Variants in ODAD2 observed in about 807,000 individuals in gnomAD.
The protein encoded by ODAD2 is outer dynein arm docking complex subunit 2, also known as outer dynein arm-docking complex subunit 2.
In ODAD2, 89 loss-of-function variants were observed where a neutral mutation model predicts 106.8. The observed-to-expected ratio is 0.83, with a 90% CI of 0.70 to 0.99. The LOEUF (loss-of-function observed/expected upper bound fraction) is 0.99, where lower values mean the gene tolerates loss of function less well. Among genes scored for constraint, ODAD2 ranks in the 50% least tolerant of loss-of-function variants. ODAD2 has a pLI of 0.00. For missense variants in ODAD2, 1,168 were observed against 1,238.5 expected, an observed-to-expected ratio of 0.94 and a Z score of 0.85; for synonymous variants, 404 against 436.2, an observed-to-expected ratio of 0.93 and a Z score of 0.92.
chr10:27,933,251 A>G (rs777769533), intron 16 of ODAD2, among the ~76,000 whole-genome samples: 20 of 152,158 alleles, frequency 1.3e-4, no homozygotes, highest in Non-Finnish European at 2.5e-4. Flanking sequence ...CCCTGTCTCT[A>G]AAAAACAAAC....
intron 16 of ODAD2, among the ~76,000 whole-genome samples, chr10:27,911,602 C>G (rs1476702843): frequency 1.3e-5 from 2 of 152,162 alleles, no homozygotes; most frequent in African/African-American, 4.8e-5. Context: ...AGAGCTTCTC[C>G]CCGTTATGCA....
At chr10:27,940,424 G>C in intron 13 of ODAD2, 139 bp downstream of exon 13, 1 of 954,096 alleles carries the variant, frequency 1.0e-6, no homozygotes, top group South Asian at 1.7e-5. Context: ...CGTCCTATCA[G>C]TTGGATCTTC....
At chr10:27,822,946 A>T (rs1836727135) in intron 19 of ODAD2, among the ~76,000 whole-genome samples, 1 of 152,214 alleles carries the variant, frequency 6.6e-6, no homozygotes, top group African/African-American at 2.4e-5. Flanking sequence ...ATGCCCAAAC[A>T]GACAGACAGG....
intron 19 of ODAD2, among the ~76,000 whole-genome samples, chr10:27,820,648 A>G (rs1836528906): frequency 6.6e-6 from 1 of 152,004 alleles, no homozygotes; most frequent in African/African-American, 2.4e-5. Flanking sequence ...GTGTACCAAG[A>G]GGATTACTCT....
chr10:27,923,802 A>T (rs1316133745), intron 16 of ODAD2, among the ~76,000 whole-genome samples: 4 of 151,846 alleles, frequency 2.6e-5, no homozygotes, highest in African/African-American at 9.7e-5. Context: ...TTTTGAAATT[A>T]GCTGGATGTG....
At chr10:27,863,052 A>G (rs558447844) in intron 17 of ODAD2, among the ~76,000 whole-genome samples, 1 of 152,304 alleles carries the variant, frequency 6.6e-6, no homozygotes, top group East Asian at 1.9e-4. Context: ...TCTGGCTACA[A>G]CATTTTCATC....
intron 17 of ODAD2, among the ~76,000 whole-genome samples, chr10:27,880,965 T>C (rs1177242507): frequency 6.6e-6 from 1 of 152,186 alleles, no homozygotes; most frequent in Non-Finnish European, 1.5e-5. Context: ...AACTACCAGC[T>C]TAAGAGTAAG....
At chr10:27,927,116 A>G (rs776999613) in intron 16 of ODAD2, among the ~76,000 whole-genome samples, 1 of 152,170 alleles carries the variant, frequency 6.6e-6, no homozygotes, top group African/African-American at 2.4e-5. Context: ...GAGTTTTACA[A>G]AATCATTGGT....
chr10:27,950,572 A>G (rs1455680962), intron 10 of ODAD2, among the ~76,000 whole-genome samples: 1 of 152,176 alleles, frequency 6.6e-6, no homozygotes, highest in African/African-American at 2.4e-5. Flanking sequence ...GATGCTACAT[A>G]CATTCTTCTA....
chr10:27,965,576 G>C (rs1253519480), intron 9 of ODAD2, among the ~76,000 whole-genome samples: 1 of 152,166 alleles, frequency 6.6e-6, no homozygotes. Context: ...ATTTAGAGTA[G>C]TGTCCATGGG....
At chr10:27,933,663 A>G (rs1203416491) in intron 16 of ODAD2, among the ~76,000 whole-genome samples, 1 of 152,172 alleles carries the variant, frequency 6.6e-6, no homozygotes, top group African/African-American at 2.4e-5. Context: ...ATAAAGAGGA[A>G]CCAAAGATCA....
At position 27,860,852 on chromosome 10, in the gene ODAD2, C is replaced by A; in HGVS notation, c.2800-6G>T. ...TGTCTCAATTTATTGTTATTCTGTG[C>A]AAGGGAAAATGAAATGGGATCTGTG... is the stretch of plus-strand genomic sequence containing the variant. On this transcript the variant is annotated splice_polypyrimidine_tract_variant and splice_region_variant and intron_variant, in intron 18 of 19. Transcript: ENST00000305242. 6.2e-7 allele frequency: 1 copy of A among 1,612,272 alleles called. No individual in the cohort carries two copies. Among genetic ancestry groups the A allele is most frequent in the Admixed American group, 1.7e-5 (1 of 59,998 alleles).
chr10:27,846,008 G>A (rs548991452), intron 19 of ODAD2, among the ~76,000 whole-genome samples: 65 of 152,286 alleles, frequency 4.3e-4, no homozygotes, highest in African/African-American at 1.5e-3. Flanking sequence ...ACATTAGACA[G>A]ACCAATGAGA....
chr10:27,986,324 G>C (rs1278310366), intron 3 of ODAD2, among the ~76,000 whole-genome samples: 1 of 152,100 alleles, frequency 6.6e-6, no homozygotes, highest in East Asian at 1.9e-4. Context: ...CTGAAACTAA[G>C]GGTTATACCA....
chr10:27,974,374 G>A (rs1302826088), intron 7 of ODAD2, among the ~76,000 whole-genome samples: 1 of 152,192 alleles, frequency 6.6e-6, no homozygotes, highest in Admixed American at 6.5e-5. Flanking sequence ...TTACATTTAA[G>A]TCTTTTATCC....
chr10:27,814,153 A>G (rs1184283117), intron 19 of ODAD2, among the ~76,000 whole-genome samples: 3 of 151,938 alleles, frequency 2.0e-5, no homozygotes, highest in African/African-American at 4.8e-5. Context: ...AAAATGGGGG[A>G]AAAAAGGGAA....
At chr10:27,954,584 G>A (rs118085243) in intron 10 of ODAD2, among the ~76,000 whole-genome samples, 3 of 152,314 alleles carry the variant, frequency 2.0e-5, no homozygotes, top group Non-Finnish European at 4.4e-5. Flanking sequence ...TGTTTCAGTC[G>A]TTAAGTTGAT....
intron 17 of ODAD2, among the ~76,000 whole-genome samples, chr10:27,885,543 TATATAAATATATAAATATAA>T (rs1225674380): frequency 0.31 from 8,181 of 26,230 alleles, 1,800 homozygotes; most frequent in Middle Eastern, 0.43. Context: ...AATATATATA[TATATAAATATATAAATATAA>T]ATATATATAT....
intron 16 of ODAD2, among the ~76,000 whole-genome samples, chr10:27,930,551 C>T (rs1354301746): frequency 2.0e-5 from 3 of 150,452 alleles, no homozygotes; most frequent in South Asian, 2.1e-4. Context: ...GGCGTGAACC[C>T]GGGAGGCGGA....
Sources: gnomAD v4.1 joint callset for allele counts (sites outside exome capture counted in the v4.1 genomes callset) on GRCh38, gnomAD v4.1.1 for gene constraint, MANE v1.5 for transcripts, NCBI Gene and HGNC (gene_info 2026-07-23, HGNC 2026-07-21) for gene names.